SDK1: variants seen among roughly 807,000 people sequenced by gnomAD.
SDK1 encodes protein sidekick-1.
A neutral mutation model predicts 245.5 loss-of-function variants in SDK1; 157 were observed. That is an observed-to-expected ratio of 0.64 (90% CI 0.56 to 0.73). The LOEUF (loss-of-function observed/expected upper bound fraction) is 0.73. SDK1 is among the 30% of genes least tolerant of loss of function. The pLI is 0.00. For synonymous variants in SDK1, 1,647 were observed against 1,278.5 expected (o/e 1.29, Z -6.15); for missense variants, 3,583 against 3,002.3 (o/e 1.19, Z -4.52).
At chr7:3,761,517 G>A (rs1650806547) in intron 4 of SDK1, among the ~76,000 whole-genome samples, 1 of 148,540 alleles carries the variant, frequency 6.7e-6, no homozygotes, top group African/African-American at 2.5e-5. Flanking sequence ...TCATGCCACT[G>A]CACTCCAGCC....
intron 1 of SDK1, among the ~76,000 whole-genome samples, chr7:3,305,046 C>T (rs1480467715): frequency 6.6e-6 from 1 of 152,158 alleles, no homozygotes; most frequent in Non-Finnish European, 1.5e-5. Flanking sequence ...TATTGTCCTC[C>T]CCCAACAATT....
intron 4 of SDK1, among the ~76,000 whole-genome samples, chr7:3,661,744 G>C (rs543656337): frequency 6.6e-6 from 1 of 152,124 alleles, no homozygotes; most frequent in Non-Finnish European, 1.5e-5. Context: ...ATGTAAACTC[G>C]GAAACCAGGC....
intron 1 of SDK1, among the ~76,000 whole-genome samples, chr7:3,555,690 C>G (rs1260724998): frequency 1.3e-5 from 2 of 151,994 alleles, no homozygotes; most frequent in African/African-American, 4.8e-5. Flanking sequence ...GGATTAGTAA[C>G]CAGCATATAT....
chr7:3,650,741 T>C (rs527742482), intron 4 of SDK1, among the ~76,000 whole-genome samples: 4 of 152,284 alleles, frequency 2.6e-5, no homozygotes, highest in African/African-American at 9.6e-5. Context: ...TAATAATCAC[T>C]AATCTGCTTT....
intron 5 of SDK1, among the ~76,000 whole-genome samples, chr7:3,911,057 T>A (rs1027801693): frequency 6.6e-6 from 1 of 152,120 alleles, no homozygotes; most frequent in African/African-American, 2.4e-5. Context: ...TGCCTCTGGG[T>A]CAGCTCTCCA....
In SDK1 at chr7:3,303,778, A is replaced by T. The variant is rs184276829; in HGVS notation, c.298+1894A>T. ...TTTTTTTATATCGTATTGAAAATTC[A>T]TATTACAGAGGAGATGTCACCATTT... On this transcript the variant is annotated intron_variant, in intron 1 of 44. Coordinates refer to ENST00000404826, the MANE Select transcript of SDK1 (RefSeq NM_152744.4). 2.8e-4 allele frequency among the ~76,000 whole-genome samples: 43 copies of T among 152,318 alleles called. 1 individual carries two copies. Among genetic ancestry groups the T allele is most frequent in the African/African-American group, 9.4e-4 (39 of 41,572 alleles).
At chr7:3,514,580 G>C (rs1782680663) in intron 1 of SDK1, among the ~76,000 whole-genome samples, 1 of 152,108 alleles carries the variant, frequency 6.6e-6, no homozygotes, top group Non-Finnish European at 1.5e-5. Flanking sequence ...ACTGTCCTAG[G>C]TCAGTGCTCT....
At chr7:3,470,709 G>T (rs1781157547) in intron 1 of SDK1, among the ~76,000 whole-genome samples, 1 of 152,134 alleles carries the variant, frequency 6.6e-6, no homozygotes, top group South Asian at 2.1e-4. Context: ...AGAAAATAGG[G>T]TGCCAGCAGG....
At chr7:3,406,958 T>C (rs935171200) in intron 1 of SDK1, among the ~76,000 whole-genome samples, 2 of 144,032 alleles carry the variant, frequency 1.4e-5, no homozygotes, top group Non-Finnish European at 3.0e-5. Context: ...TTAAACTCTT[T>C]GTAGACAAGA....
chr7:3,535,553 C>G (rs1425876145), intron 1 of SDK1, among the ~76,000 whole-genome samples: 1 of 152,118 alleles, frequency 6.6e-6, no homozygotes, highest in African/African-American at 2.4e-5. Flanking sequence ...TTCTTAACTT[C>G]TTTGCTTGAA....
chr7:3,547,617 C>T (rs1319077421), intron 1 of SDK1, among the ~76,000 whole-genome samples: 2 of 152,220 alleles, frequency 1.3e-5, no homozygotes, highest in Non-Finnish European at 2.9e-5. Flanking sequence ...GATTGGAAAT[C>T]CCTGACCTAG....
At chr7:3,880,375 G>T (rs1052741312) in intron 5 of SDK1, among the ~76,000 whole-genome samples, 1 of 152,154 alleles carries the variant, frequency 6.6e-6, no homozygotes, top group South Asian at 2.1e-4. Flanking sequence ...CCTGATTAGC[G>T]GTTGGGCAAC....
intron 4 of SDK1, among the ~76,000 whole-genome samples, chr7:3,816,869 T>A (rs901313599): frequency 4.6e-5 from 7 of 152,214 alleles, no homozygotes; most frequent in Admixed American, 1.3e-4. Context: ...TTTTTTTTTT[T>A]AAGATTTTAC....
chr7:4,089,157 G>A (rs890186611), intron 22 of SDK1, among the ~76,000 whole-genome samples: 3 of 152,076 alleles, frequency 2.0e-5, no homozygotes, highest in Admixed American at 6.5e-5. Flanking sequence ...CCTTCAGGTG[G>A]AGGTGCGACC....
At chr7:3,431,888 C>T (rs187930287) in intron 1 of SDK1, among the ~76,000 whole-genome samples, 2 of 151,856 alleles carry the variant, frequency 1.3e-5, no homozygotes, top group East Asian at 3.9e-4. Context: ...ATGGCTGAAG[C>T]CTGCGGTTTA....
At chr7:3,987,140 T>A in intron 13 of SDK1, 46 bp from the exon 14 acceptor site, 1 of 1,607,440 alleles carries the variant, frequency 6.2e-7, no homozygotes, top group Non-Finnish European at 8.5e-7. Context: ...CCATGGATTC[T>A]GACATGTGTT....
intron 1 of SDK1, among the ~76,000 whole-genome samples, chr7:3,437,654 C>G (rs1780067691): frequency 2.0e-5 from 3 of 152,088 alleles, no homozygotes; most frequent in Non-Finnish European, 4.4e-5. Flanking sequence ...GTAGTCCCAC[C>G]TATTTCAGGG....
At chr7:3,460,556 T>A (rs1562499339) in intron 1 of SDK1, among the ~76,000 whole-genome samples, 1 of 152,222 alleles carries the variant, frequency 6.6e-6, no homozygotes, top group Non-Finnish European at 1.5e-5. Context: ...CATAATAATT[T>A]ATTTACACCA....
intron 1 of SDK1, among the ~76,000 whole-genome samples, chr7:3,516,229 T>A (rs551657041): frequency 6.6e-6 from 1 of 151,926 alleles, no homozygotes; most frequent in South Asian, 2.1e-4. Context: ...AGGTTATATA[T>A]TATGTGATAT....
Sources: gnomAD v4.1 joint callset for allele counts (sites outside exome capture counted in the v4.1 genomes callset) on GRCh38, gnomAD v4.1.1 for gene constraint, MANE v1.5 for transcripts, NCBI Gene and HGNC (gene_info 2026-07-23, HGNC 2026-07-21) for gene names.